Variants in TXNDC16 observed in about 807,000 individuals in gnomAD.
TXNDC16 encodes the protein thioredoxin domain containing 16, also known as thioredoxin domain-containing protein 16.
In TXNDC16, 74 loss-of-function variants were observed where a neutral mutation model predicts 85.6. The ratio of observed to expected loss-of-function variants is 0.86; its 90% confidence interval spans 0.72 to 1.05. The LOEUF is 1.05. Ranked by LOEUF, TXNDC16 falls within the 50% of genes least tolerant of loss-of-function variation. The probability of loss-of-function intolerance (pLI) is 0.00; values close to 1 mark genes in which losing one functional copy is unlikely to be tolerated. For missense variants in TXNDC16, 959 were observed against 947.0 expected, an observed-to-expected ratio of 1.01 and a Z score of -0.17; for synonymous variants, 335 against 326.5, an observed-to-expected ratio of 1.03 and a Z score of -0.28.
At chr14:52,542,948 T>C (rs1379222275) in intron 3 of TXNDC16, among the ~76,000 whole-genome samples, 1 of 152,218 alleles carries the variant, frequency 6.6e-6, no homozygotes, top group South Asian at 2.1e-4. Context: ...TCAATAGTTA[T>C]ATTAGTTAAT....
chr14:52,512,354 G>A (rs1594744382), intron 8 of TXNDC16, among the ~76,000 whole-genome samples: 1 of 152,114 alleles, frequency 6.6e-6, no homozygotes, highest in Non-Finnish European at 1.5e-5. Context: ...ATTTCTTTGT[G>A]CTTCAAATTA....
At position 52,530,431 on chromosome 14, in the gene TXNDC16, TAA is replaced by T. The variant is rs2037510238; in HGVS notation, c.392+6286_392+6287del. On this transcript the variant is annotated intron_variant, in intron 6 of 20. Transcript: ENST00000281741. ...AATTATTATATAATATTATATATAA[TAA>T]TATATAATATATTATTATATAATAA... Among the ~76,000 whole-genome samples the T allele has an allele frequency of 2.2e-4, 5 of 22,716 alleles. 1 individual carries two copies. Among genetic ancestry groups the T allele is most frequent in the African/African-American group, 4.7e-4 (2 of 4,262 alleles). 14.9% of individuals were successfully genotyped at this position (22,716 alleles called of 152,430 possible). A position where few individuals can be genotyped will look rare whatever the true frequency, so the allele number is the denominator to read the frequency against.
At chr14:52,515,039 T>A in intron 7 of TXNDC16, 69 bp from the exon 8 acceptor site, 1 of 1,140,010 alleles carries the variant, frequency 8.8e-7, no homozygotes. Flanking sequence ...TAAACTTCTA[T>A]TCTGAATATT....
At chr14:52,461,383 A>G (rs2035648763) in intron 16 of TXNDC16, among the ~76,000 whole-genome samples, 3 of 147,862 alleles carry the variant, frequency 2.0e-5, no homozygotes, top group Non-Finnish European at 4.5e-5. Flanking sequence ...TGTAAAAATA[A>G]GATGTCAAAG....
At chr14:52,515,014 T>C in intron 7 of TXNDC16, 44 bp from the exon 8 acceptor site, 2 of 1,427,318 alleles carry the variant, frequency 1.4e-6, no homozygotes, top group Non-Finnish European at 9.8e-7. Context: ...AAAAAATAGT[T>C]TGTGTGACTC....
intron 9 of TXNDC16, among the ~76,000 whole-genome samples, chr14:52,505,044 A>T (rs2036761027): frequency 6.6e-6 from 1 of 152,250 alleles, no homozygotes; most frequent in Admixed American, 6.5e-5. Flanking sequence ...ATATGCGCCC[A>T]ATATAGGAGT....
At chr14:52,488,565 G>GCCACCACACC in intron 11 of TXNDC16, 79 bp from the exon 12 acceptor site, 4 of 1,197,088 alleles carry the variant, frequency 3.3e-6, no homozygotes, top group Non-Finnish European at 4.6e-6. Context: ...GCCAGGTGTG[G>GCCACCACACC]TGGCTCACAC....
intron 9 of TXNDC16, among the ~76,000 whole-genome samples, chr14:52,493,216 T>TATATATATATACAC: frequency 6.6e-4 from 77 of 115,988 alleles, no homozygotes; most frequent in African/African-American, 2.6e-3. Context: ...TATATATATA[T>TATATATATATACAC]ACACACACAC....
chr14:52,470,227 T>G (rs536992295), intron 15 of TXNDC16, 54 bp from the exon 16 acceptor site: 138 of 1,383,658 alleles, frequency 1.0e-4, no homozygotes, highest in Non-Finnish European at 1.3e-4. Flanking sequence ...ATTTTCAGTT[T>G]GTAAAAAAAA....
At chr14:52,501,977 G>T (rs182019295) in intron 9 of TXNDC16, among the ~76,000 whole-genome samples, 123 of 152,258 alleles carry the variant, frequency 8.1e-4, no homozygotes, top group African/African-American at 2.9e-3. Flanking sequence ...ATCTTTCGAG[G>T]CTTTGTCTCC....
At chr14:52,461,661 G>A (rs2035655668) in intron 16 of TXNDC16, among the ~76,000 whole-genome samples, 1 of 152,196 alleles carries the variant, frequency 6.6e-6, no homozygotes, top group Non-Finnish European at 1.5e-5. Context: ...CTGTGAAGAG[G>A]ATGTCTGGTG....
At chr14:52,483,637 T>G (rs755430726) in intron 12 of TXNDC16, among the ~76,000 whole-genome samples, 14 of 152,146 alleles carry the variant, frequency 9.2e-5, no homozygotes, top group Non-Finnish European at 1.6e-4. Flanking sequence ...GGCTAGATCA[T>G]AAGAGGTCAC....
At chr14:52,476,248 T>A (rs2036018068) in intron 14 of TXNDC16, among the ~76,000 whole-genome samples, 1 of 152,086 alleles carries the variant, frequency 6.6e-6, no homozygotes, top group Non-Finnish European at 1.5e-5. Flanking sequence ...AAACCAACTC[T>A]GGTAATATGA....
chr14:52,519,963 C>G (rs2037171664), intron 6 of TXNDC16, among the ~76,000 whole-genome samples: 4 of 152,300 alleles, frequency 2.6e-5, no homozygotes, highest in Admixed American at 6.5e-5. Flanking sequence ...CTTATCTCCA[C>G]CTTTCTCATT....
chr14:52,517,338 CA>C (rs902541037), intron 7 of TXNDC16, among the ~76,000 whole-genome samples: 1 of 152,122 alleles, frequency 6.6e-6, no homozygotes, highest in African/African-American at 2.4e-5. Context: ...GAAGCCAAAA[CA>C]AGCTAGCATC....
intron 13 of TXNDC16, 58 bp downstream of exon 13, chr14:52,482,764 T>C: frequency 6.7e-7 from 1 of 1,486,942 alleles, no homozygotes; most frequent in Non-Finnish European, 8.9e-7. Context: ...TGCCAAAAAT[T>C]AAATCTGGGT....
At position 52,439,273 on chromosome 14, in the gene TXNDC16, G is replaced by C. The variant is rs574451141; in HGVS notation, c.2125C>G (p.Gln709Glu). 4 of 1,613,988 alleles carry C rather than the reference G, an allele frequency of 2.5e-6. No individual in the cohort carries two copies. The African/African-American group carries it at 5.3e-5, about 22-fold the overall frequency. ...ACAAGGTTTTCTTCAATTATAGCCT[G>C]GTCTGAAGGAAATGCAAATACTTGG... Reference protein sequence around the residue: ...GGQVFAFPSDQAIIEENLVLW... With the variant: ...GGQVFAFPSDEAIIEENLVLW... Residue 709 changes from glutamine (Q) to glutamate (E), a missense_variant, in exon 20 of 21, where the codon CAG becomes GAG. Coordinates refer to ENST00000281741, the MANE Select transcript of TXNDC16 (RefSeq NM_020784.3).
intron 6 of TXNDC16, among the ~76,000 whole-genome samples, chr14:52,532,447 T>C (rs117848287): frequency 0.046 from 7,069 of 152,228 alleles, 227 homozygotes; most frequent in Middle Eastern, 0.071. Context: ...AAATCTATTT[T>C]TTTTTTTGAG....
rs375225970 is a variant in TXNDC16, at chr14:52,530,475, TTA to T, written c.392+6242_392+6243del. Reference sequence around the variant, plus strand: ...ATATAATAATATATATTATATATTATTATATATAATATTATATATAATAATAT... The same window carrying T: ...ATATAATAATATATATTATATATTATTATATAATATTATATATAATAATAT... On this transcript the variant is annotated intron_variant, in intron 6 of 20. Coordinates refer to ENST00000281741, the MANE Select transcript of TXNDC16 (RefSeq NM_020784.3). Among the ~76,000 whole-genome samples the T allele has an allele frequency of 1.4e-3, 17 of 11,770 alleles. 1 individual carries two copies. The highest frequency in any genetic ancestry group is 6.7e-3 in the African/African-American group (16 of 2,398). 7.7% of individuals were successfully genotyped at this position (11,770 alleles called of 152,430 possible).
Sources: allele counts gnomAD v4.1 joint callset (sites outside exome capture counted in the v4.1 genomes callset), GRCh38; gene constraint gnomAD v4.1.1; transcripts MANE v1.5; gene names NCBI Gene and HGNC (gene_info 2026-07-23, HGNC 2026-07-21).